The following RBFOX1 variants were observed in gnomAD, a reference collection of about 807,000 sequenced individuals.
RBFOX1 encodes RNA binding fox-1 homolog 1, also known as RNA binding protein fox-1 homolog 1.
In RBFOX1, 8 loss-of-function variants were observed where a neutral mutation model predicts 57.7. The ratio of observed to expected loss-of-function variants is 0.14; its 90% CI spans 0.08 to 0.25. The LOEUF (loss-of-function observed/expected upper bound fraction) is 0.25, where lower values mean the gene tolerates loss of function less well. RBFOX1 is among the 10% of genes least tolerant of loss of function. The probability of loss-of-function intolerance (pLI) is 1.00; values close to 1 mark genes in which losing one functional copy is unlikely to be tolerated. For synonymous variants in RBFOX1, 326 were observed against 222.4 expected, an observed-to-expected ratio of 1.47 and a Z score of -4.15; for missense variants, 611 against 548.5, an observed-to-expected ratio of 1.11 and a Z score of -1.14.
chr16:7,385,867 C>G (rs181336930), intron 4 of RBFOX1, among the ~76,000 whole-genome samples: 1 of 152,080 alleles, frequency 6.6e-6, no homozygotes, highest in African/African-American at 2.4e-5. Flanking sequence ...AGTTTTTCTG[C>G]TTCAGCCTCT....
At chr16:6,491,028 A>G (rs11644062) in intron 2 of RBFOX1, among the ~76,000 whole-genome samples, 34,495 of 152,044 alleles carry the variant, frequency 0.23, 4,651 homozygotes, top group Non-Finnish European at 0.3. Context: ...ATGAACCCAC[A>G]TAACCAAGAC....
At chr16:5,561,769 C>G (rs565727493) in intron 2 of RBFOX1, among the ~76,000 whole-genome samples, 3 of 152,110 alleles carry the variant, frequency 2.0e-5, no homozygotes, top group African/African-American at 7.2e-5. Context: ...GAGAGGGTCA[C>G]TTGTTCTACC....
At chr16:6,296,571 C>G (rs1178395592) in intron 1 of RBFOX1, among the ~76,000 whole-genome samples, 1 of 152,074 alleles carries the variant, frequency 6.6e-6, no homozygotes, top group East Asian at 1.9e-4. Flanking sequence ...CAGGCGTCCA[C>G]CACCACACCT....
intron 3 of RBFOX1, among the ~76,000 whole-genome samples, chr16:6,695,749 C>G (rs188555590): frequency 6.6e-6 from 1 of 152,180 alleles, no homozygotes; most frequent in South Asian, 2.1e-4. Context: ...AATCATGAAT[C>G]CTCTCTGTAC....
In RBFOX1 at chr16:7,401,386, A is replaced by G. The variant is rs189224644; in HGVS notation, c.28-116761A>G. ...AGTTGTTCCAGACTTTTCTCTGATA[A>G]ACTTTCAACTTCAACATAAAATAAT... On this transcript the variant is annotated intron_variant, in intron 4 of 15. Coordinates refer to ENST00000550418, the MANE Select transcript of RBFOX1 (RefSeq NM_018723.4). Among the ~76,000 whole-genome samples the G allele has an allele frequency of 2.6e-3, 399 of 152,362 alleles. 2 individuals carry two copies. Among genetic ancestry groups the G allele is most frequent in the African/African-American group, 9.0e-3 (374 of 41,580 alleles).
chr16:6,256,235 G>GTA (rs1296363561), intron 1 of RBFOX1, among the ~76,000 whole-genome samples: 1 of 72,854 alleles, frequency 1.4e-5, no homozygotes, highest in African/African-American at 5.2e-5. Context: ...ATATATATGT[G>GTA]TATATATATA....
intron 3 of RBFOX1, among the ~76,000 whole-genome samples, chr16:5,613,789 A>G (rs1449954583): frequency 6.6e-6 from 1 of 151,678 alleles, no homozygotes. Context: ...AACTCCCCAA[A>G]TCAAGGTAGA....
intron 4 of RBFOX1, among the ~76,000 whole-genome samples, chr16:5,894,461 G>C (rs925500883): frequency 6.6e-6 from 1 of 151,934 alleles, no homozygotes; most frequent in Non-Finnish European, 1.5e-5. Context: ...TTTTAGTAGA[G>C]ATAGGGTTTT....
intron 4 of RBFOX1, among the ~76,000 whole-genome samples, chr16:7,491,507 A>G (rs1599835041): frequency 6.6e-6 from 1 of 151,594 alleles, no homozygotes. Context: ...AATTCCTTTG[A>G]GAGATCACTT....
intron 1 of RBFOX1, among the ~76,000 whole-genome samples, chr16:5,401,053 A>G (rs2066700376): frequency 6.6e-6 from 1 of 152,150 alleles, no homozygotes; most frequent in Non-Finnish European, 1.5e-5. Flanking sequence ...TGATGGTTCA[A>G]AGGAGATTTT....
At chr16:7,499,999 C>G (rs1206499660) in intron 4 of RBFOX1, among the ~76,000 whole-genome samples, 3 of 152,118 alleles carry the variant, frequency 2.0e-5, no homozygotes, top group African/African-American at 4.8e-5. Context: ...CTTGAGTACA[C>G]CTTGACATCA....
Position 7,610,364 on chromosome 16 carries a change from G to A in RBFOX1, c.676+3026G>A, listed in dbSNP as rs113282310. Among the ~76,000 whole-genome samples the A allele has an allele frequency of 7.5e-3, 1,137 of 151,286 alleles. 14 individuals are homozygous for A. The highest frequency in any genetic ancestry group is 0.026 in the African/African-American group (1,074 of 41,164). On this transcript the variant is annotated intron_variant, in intron 10 of 15. Coordinates refer to ENST00000550418, the MANE Select transcript of RBFOX1 (RefSeq NM_018723.4). Reference sequence around the variant, plus strand: ...TTGAACTTCTGACCTCAAGTGATGCGCCCAGCCTGTTTATTTATTTTTTTT... The same window carrying A: ...TTGAACTTCTGACCTCAAGTGATGCACCCAGCCTGTTTATTTATTTTTTTT...
At chr16:6,997,899 T>C (rs1474119139) in intron 3 of RBFOX1, among the ~76,000 whole-genome samples, 19 of 152,114 alleles carry the variant, frequency 1.2e-4, no homozygotes, top group African/African-American at 4.1e-4. Context: ...GTGCACTACA[T>C]GTAAGCTCTT....
In RBFOX1 at chr16:6,865,792, A is replaced by T. The variant is rs550675783; in HGVS notation, c.-15-186265A>T. ...TTTTCCTGCTTTATTTGTAAGCAGT[A>T]TTAGATAACAGTTGCACACGGAGAA... On this transcript the variant is annotated intron_variant, in intron 3 of 15. Transcript: ENST00000550418. 1.1e-4 allele frequency among the ~76,000 whole-genome samples: 16 copies of T among 152,306 alleles called. No individual in the cohort carries two copies. The East Asian group carries it at 2.9e-3, about 28-fold the overall frequency.
chr16:5,939,786 T>C (rs139365866), intron 4 of RBFOX1, among the ~76,000 whole-genome samples: 5 of 152,214 alleles, frequency 3.3e-5, no homozygotes, highest in African/African-American at 1.2e-4. Flanking sequence ...AATTGAAATG[T>C]TTAAGGAGAT....
intron 2 of RBFOX1, among the ~76,000 whole-genome samples, chr16:6,344,696 T>A (rs973369367): frequency 7.6e-6 from 1 of 132,234 alleles, no homozygotes; most frequent in African/African-American, 2.9e-5. Context: ...CGAGCCCGGT[T>A]TTTTTTTTTT....
At chr16:7,700,921 G>A (rs566495988) in intron 14 of RBFOX1, among the ~76,000 whole-genome samples, 1 of 152,292 alleles carries the variant, frequency 6.6e-6, no homozygotes, top group African/African-American at 2.4e-5. Flanking sequence ...GAGTCTTTTA[G>A]ATGCCACAGT....
chr16:5,417,787 G>T (rs971531150), intron 1 of RBFOX1, among the ~76,000 whole-genome samples: 1 of 152,132 alleles, frequency 6.6e-6, no homozygotes, highest in Non-Finnish European at 1.5e-5. Flanking sequence ...CCCCTACTAA[G>T]ATTTGTGAAA....
intron 2 of RBFOX1, among the ~76,000 whole-genome samples, chr16:6,619,352 A>C (rs1481232689): frequency 2.2e-4 from 34 of 151,994 alleles, no homozygotes; most frequent in Admixed American, 2.2e-3. Context: ...GTCCAGTATG[A>C]CTCTTTAAAT....
Sources: gnomAD v4.1 joint callset for allele counts (sites outside exome capture counted in the v4.1 genomes callset) on GRCh38, gnomAD v4.1.1 for gene constraint, MANE v1.5 for transcripts, NCBI Gene and HGNC (gene_info 2026-07-23, HGNC 2026-07-21) for gene names.